Variants in ACTR1B observed in about 807,000 individuals in gnomAD.
ACTR1B encodes actin related protein 1B.
Under a neutral mutation model 49.4 loss-of-function variants are expected in ACTR1B, and 34 were observed. That is an observed-to-expected ratio of 0.69 (90% CI 0.52 to 0.92). ACTR1B has a LOEUF of 0.92. Ranked by LOEUF, ACTR1B falls within the 40% of genes least tolerant of loss-of-function variation. The pLI is 0.00. For synonymous variants in ACTR1B, 207 were observed against 207.8 expected (o/e 1.00, Z 0.03); for missense variants, 471 against 522.4 (o/e 0.90, Z 0.96).
At chr2:97,657,122 C>T in intron 10 of ACTR1B, 30 bp downstream of exon 10, 1 of 1,609,394 alleles carries the variant, frequency 6.2e-7, no homozygotes, top group Non-Finnish European at 8.5e-7. Flanking sequence ...GTGGTCTCCT[C>T]CCAGAGCCCT....
rs1357167572 is a variant in ACTR1B, at chr2:97,659,676, C to T, written c.190-199G>A. On this transcript the variant is annotated intron_variant, in intron 3 of 10. Coordinates refer to ENST00000289228, the MANE Select transcript of ACTR1B (RefSeq NM_005735.4). The surrounding 1 kb of genome is among the most constrained non-coding windows in gnomAD (Gnocchi z 4.0). ...CTCACCTGCCCACCAGCTTCTTAGG[C>T]TCTTAGAGCCCAGCTAGCTTCAGCT... 1.5e-6 allele frequency: 1 copy of T among 689,318 alleles called. No homozygotes were observed. The highest frequency in any genetic ancestry group is 1.8e-5 in the African/African-American group (1 of 54,886). 42.7% of individuals were successfully genotyped at this position (689,318 alleles called of 1,614,324 possible). A position where few individuals can be genotyped will look rare whatever the true frequency, so the allele number is the denominator to read the frequency against.
chr2:97,660,716 A>C, intron 2 of ACTR1B, 70 bp from the exon 3 acceptor site: 3 of 1,473,912 alleles, frequency 2.0e-6, no homozygotes, highest in Non-Finnish European at 2.8e-6. Context: ...AAAAACCGAA[A>C]TCCAACCATA....
chr2:97,659,551 C>T lies in ACTR1B; in HGVS notation c.190-74G>A. The T allele has an allele frequency of 1.3e-6, 2 of 1,491,048 alleles. No homozygotes were observed. Among genetic ancestry groups the T allele is most frequent in the Middle Eastern group, 1.8e-4 (1 of 5,510 alleles). The allele number at this position is 1,491,048 out of a possible 1,614,324, so 92.4% of individuals were successfully genotyped here. On this transcript the variant is annotated intron_variant, in intron 3 of 10. Coordinates refer to ENST00000289228, the MANE Select transcript of ACTR1B (RefSeq NM_005735.4). The surrounding 1 kb of genome is among the most constrained non-coding windows in gnomAD (Gnocchi z 4.0). ...TGCTTTCCGCCCTCCTGGAAGCTGA[C>T]CCTCACCTGCCCTGACCAGAACCTC... is the stretch of plus-strand genomic sequence containing the variant.
rs745504508 is a variant in ACTR1B at position 97,658,353 on chromosome 2, C to G, written c.658-37G>C. 8.1e-6 allele frequency: 13 copies of G among 1,613,784 alleles called. No homozygotes were observed. The Admixed American group carries it at 2.2e-4, about 27-fold the overall frequency. On this transcript the variant is annotated intron_variant, in intron 6 of 10. Coordinates refer to ENST00000289228, the MANE Select transcript of ACTR1B (RefSeq NM_005735.4). The surrounding 1 kb of genome is among the most constrained non-coding windows in gnomAD (Gnocchi z 5.9). ...GGGACACAGCCCTCAGAAGGCTGCA[C>G]CTGGGACACCTGTGCCTTGGTGCCA...
In ACTR1B at chr2:97,663,917, C is replaced by T; in HGVS notation, c.-27G>A. Reference sequence around the variant, plus strand: ...GCCGGGCCGCGCCGGCCCTGCCCAGCAGGCGGGCTGCAGGAGGCACCGGAT... The same window carrying T: ...GCCGGGCCGCGCCGGCCCTGCCCAGTAGGCGGGCTGCAGGAGGCACCGGAT... On this transcript the variant is annotated 5_prime_UTR_variant, in exon 1 of 11. Transcript: ENST00000289228. The T allele has an allele frequency of 7.9e-7, 1 of 1,258,012 alleles. No individual in the cohort carries two copies. The highest frequency in any genetic ancestry group is 1.0e-6 in the Non-Finnish European group (1 of 975,582). The allele number at this position is 1,258,012 out of a possible 1,614,324, so 77.9% of individuals were successfully genotyped here.
rs1392313107 is a variant in ACTR1B, at chr2:97,661,847, A to G, written c.113+35T>C. On this transcript the variant is annotated intron_variant, in intron 2 of 10. Coordinates refer to ENST00000289228, the MANE Select transcript of ACTR1B (RefSeq NM_005735.4). ...GCCAATGTTCTTACAGAAGGTAAACAAAAGGACTAAGGCTGCTGCCTGAGC... is the reference window on the plus strand; with the variant it reads ...GCCAATGTTCTTACAGAAGGTAAACGAAAGGACTAAGGCTGCTGCCTGAGC... 12 of 1,562,676 alleles carry G rather than the reference A, an allele frequency of 7.7e-6. No individual in the cohort carries two copies. In the East Asian group the frequency reaches 2.6e-4, roughly 33 times the overall value.
In ACTR1B at chr2:97,658,752, C is replaced by T. The variant is rs1423961073; in HGVS notation, c.441-109G>A. The T allele has an allele frequency of 1.7e-5, 27 of 1,577,264 alleles. No homozygotes were observed. In the African/African-American group the frequency reaches 1.9e-4, roughly 11 times the overall value. ...CATTATCTAGTCTGAAGAGAGGACA[C>T]GAGGGACTCCCTAGAGGAACAGTCA... On this transcript the variant is annotated intron_variant, in intron 5 of 10. Transcript: ENST00000289228. This position sits in a 1 kb window ranked among gnomAD's most constrained non-coding sequence, Gnocchi z 5.9.
Position 97,663,998 on chromosome 2 carries a change from C to T in ACTR1B, c.-108G>A, listed in dbSNP as rs1675112327. On this transcript the variant is annotated 5_prime_UTR_variant, in exon 1 of 11. Coordinates refer to ENST00000289228, the MANE Select transcript of ACTR1B (RefSeq NM_005735.4). ...GCGGCTCCCGACGCGGCGCCGCTGC[C>T]CTCCCTCCCCGAGCCTGCAGCCTAC... The T allele has an allele frequency of 1.6e-6, 1 of 620,692 alleles. No individual in the cohort carries two copies. The highest frequency in any genetic ancestry group is 2.3e-6 in the Non-Finnish European group (1 of 439,550). 38.4% of individuals were successfully genotyped at this position (620,692 alleles called of 1,614,324 possible). A position where few individuals can be genotyped will look rare whatever the true frequency, so the allele number is the denominator to read the frequency against.
chr2:97,659,110 C>A lies in ACTR1B; in HGVS notation c.316-107G>T. The A allele has an allele frequency of 6.5e-7, 1 of 1,550,280 alleles. No individual in the cohort carries two copies. Among genetic ancestry groups the A allele is most frequent in the Non-Finnish European group, 8.8e-7 (1 of 1,136,020 alleles). ...GCTGGCGCACAGGCAGCTCAGCCTC[C>A]TACCCCTCCTGAGGGCCCCATCCCT... On this transcript the variant is annotated intron_variant, in intron 4 of 10. Transcript: ENST00000289228. The surrounding 1 kb of genome is among the most constrained non-coding windows in gnomAD (Gnocchi z 4.0).
intron 1 of ACTR1B, 58 bp downstream of exon 1, chr2:97,663,785 C>A: frequency 8.2e-7 from 1 of 1,221,772 alleles, no homozygotes; most frequent in Admixed American, 3.7e-5. Flanking sequence ...CTCCCTGCGC[C>A]GCCGCGTGCG....
chr2:97,659,153 C>G lies in ACTR1B; in HGVS notation c.316-150G>C, dbSNP rs1674944099. The G allele has an allele frequency of 1.4e-6, 2 of 1,455,464 alleles. No individual in the cohort carries two copies. 90.2% of individuals were successfully genotyped at this position (1,455,464 alleles called of 1,614,324 possible). On this transcript the variant is annotated intron_variant, in intron 4 of 10. Transcript: ENST00000289228. The surrounding 1 kb of genome is among the most constrained non-coding windows in gnomAD (Gnocchi z 4.0). ...CCATCCCTTTATCTGCTGGCAGTTA[C>G]TCTTCCGGAGATCCGGCTCTCTTTG...
chr2:97,659,377 T>C lies in ACTR1B; in HGVS notation c.290A>G (p.Asp97Gly). 1 of 1,613,978 alleles carries C rather than the reference T, an allele frequency of 6.2e-7. No individual in the cohort carries two copies. The highest frequency in any genetic ancestry group is 8.5e-7 in the Non-Finnish European group (1 of 1,179,988). Reference protein sequence around the residue: ...ERIWQYVYSKDQLQTFSEEHP... With the variant: ...ERIWQYVYSKGQLQTFSEEHP... ...CTCCTCCGAGAAGGTCTGCAGCTGATCCTTGGAGTAGACGTACTGCCAGAT... is the reference window on the plus strand; with the variant it reads ...CTCCTCCGAGAAGGTCTGCAGCTGACCCTTGGAGTAGACGTACTGCCAGAT... The change falls in exon 4 of 11, where the codon GAT (aspartate) becomes GGT (glycine). Residue 97 changes from aspartate (D) to glycine (G), a missense_variant. By Grantham distance (94) the Asp-to-Gly change is moderately conservative. Coordinates refer to ENST00000289228, the MANE Select transcript of ACTR1B (RefSeq NM_005735.4). This position sits in a 1 kb window ranked among gnomAD's most constrained non-coding sequence, Gnocchi z 4.0.
chr2:97,658,663 C>G lies in ACTR1B; in HGVS notation c.441-20G>C. 6.2e-7 allele frequency: 1 copy of G among 1,612,652 alleles called. No individual in the cohort carries two copies. Among genetic ancestry groups the G allele is most frequent in the Non-Finnish European group, 8.5e-7 (1 of 1,179,490 alleles). On this transcript the variant is annotated intron_variant, in intron 5 of 10. Transcript: ENST00000289228. This position sits in a 1 kb window ranked among gnomAD's most constrained non-coding sequence, Gnocchi z 5.9. ...GCGTACCTGTCACCAGGTCAGCATC[C>G]CCTCACCTCAGCCACTGAGGCACGG...
At chr2:97,662,399 TG>T (rs1675040207) in intron 1 of ACTR1B, among the ~76,000 whole-genome samples, 1 of 150,396 alleles carries the variant, frequency 6.6e-6, no homozygotes, top group African/African-American at 2.4e-5. Flanking sequence ...CCCCTCTGTG[TG>T]GGTCTTTTTT....
At chr2:97,657,341 A>G in intron 9 of ACTR1B, 107 bp downstream of exon 9, 2 of 1,484,700 alleles carry the variant, frequency 1.3e-6, no homozygotes, top group Non-Finnish European at 1.9e-6. Flanking sequence ...GAACAGGACT[A>G]GGTGGACGTG....
rs559419020 is a variant in ACTR1B, at chr2:97,656,883, C to T, written c.1106G>A (p.Arg369His). The change falls in exon 11 of 11, where the codon CGT (arginine) becomes CAT (histidine). Residue 369 changes from arginine (R) to histidine (H), a missense_variant. Physicochemically the swap from Arg to His is conservative, Grantham distance 29 (BLOSUM62 0). Transcript: ENST00000289228. ...CTAGAAAGTTTTGCGATGAATAGCA[C>T]GGGAGCCATCCTCTTCATACTCCTT... ...SKKEYEEDGS[R>H]AIHRKTF 8 of 1,589,344 alleles carry T rather than the reference C, an allele frequency of 5.0e-6. No individual in the cohort carries two copies. The highest frequency in any genetic ancestry group is 1.8e-5 in the Admixed American group (1 of 55,322).
In ACTR1B at chr2:97,658,277, C is replaced by T. The variant is rs1674910808; in HGVS notation, c.697G>A (p.Ala233Thr). The stretch of plus-strand genomic sequence containing the variant: ...TACTGCACCTTCTCCGTCTCCAGAG[C>T]CTCATCCTTCTGTGGGTTGATGGAC... ...YLSINPQKDEALETEKVQYTL... is the reference protein window; with the variant it reads ...YLSINPQKDETLETEKVQYTL... Residue 233 changes from alanine (A) to threonine (T), a missense_variant, in exon 7 of 11, where the codon GCT (alanine) becomes ACT (threonine). Physicochemically the swap from Ala to Thr is moderately conservative, Grantham distance 58 (BLOSUM62 0). Transcript: ENST00000289228. The surrounding 1 kb of genome is among the most constrained non-coding windows in gnomAD (Gnocchi z 5.9). The T allele has an allele frequency of 6.2e-7, 1 of 1,614,198 alleles. No individual in the cohort carries two copies. The highest frequency in any genetic ancestry group is 8.5e-7 in the Non-Finnish European group (1 of 1,180,012).
intron 2 of ACTR1B, among the ~76,000 whole-genome samples, 159 bp from the exon 3 acceptor site, chr2:97,660,805 C>T (rs1439674146): frequency 6.6e-6 from 1 of 152,144 alleles, no homozygotes; most frequent in African/African-American, 2.4e-5. Flanking sequence ...CTATGGGGTT[C>T]GGGGCTAGAG....
rs755333171 is a variant in ACTR1B at position 97,660,679 on chromosome 2, AGGG to A, written c.114-36_114-34del. On this transcript the variant is annotated intron_variant, in intron 2 of 10. Coordinates refer to ENST00000289228, the MANE Select transcript of ACTR1B (RefSeq NM_005735.4). The stretch of plus-strand genomic sequence containing the variant: ...GACGGATAACGTCAGCAAGGTGGGC[AGGG>A]AGCATGGCAGAGCTTGTGTCCAGAA... 2.5e-6 allele frequency: 4 copies of A among 1,602,682 alleles called. No homozygotes were observed. The Admixed American group carries it at 6.7e-5, about 27-fold the overall frequency.
Sources: gnomAD v4.1 joint callset for allele counts (sites outside exome capture counted in the v4.1 genomes callset) on GRCh38, gnomAD v4.1.1 for gene constraint, Gnocchi (gnomAD v3.1) non-coding constraint, MANE v1.5 for transcripts, NCBI Gene and HGNC (gene_info 2026-07-23, HGNC 2026-07-21) for gene names.